GRIA2: variants seen among roughly 807,000 people sequenced by gnomAD.
GRIA2 encodes the protein glutamate receptor 2.
GRIA2 carries 14 observed loss-of-function variants against 97.3 expected under a neutral mutation model. That is an observed-to-expected ratio of 0.14 (90% confidence interval 0.10 to 0.23). The LOEUF (loss-of-function observed/expected upper bound fraction) is 0.23, where lower values mean the gene tolerates loss of function less well. Ranked by LOEUF, GRIA2 falls within the 10% of genes least tolerant of loss-of-function variation. GRIA2 has a pLI of 1.00. For synonymous variants in GRIA2, 412 were observed against 387.8 expected (o/e 1.06, Z -0.73); for missense variants, 558 against 1,069.8 (o/e 0.52, Z 6.67).
At chr4:157,303,113 G>A (rs1733687366) in intron 2 of GRIA2, among the ~76,000 whole-genome samples, 1 of 152,110 alleles carries the variant, frequency 6.6e-6, no homozygotes, top group Admixed American at 6.6e-5. Flanking sequence ...GTCTATGGAA[G>A]CACATTAACT....
chr4:157,264,734 C>G (rs1236203256), intron 2 of GRIA2, among the ~76,000 whole-genome samples: 1 of 152,046 alleles, frequency 6.6e-6, no homozygotes, highest in Non-Finnish European at 1.5e-5. Flanking sequence ...AAGCAGGTTG[C>G]TAGTCCCATC....
At chr4:157,225,674 A>G (rs2126678705) in intron 2 of GRIA2, among the ~76,000 whole-genome samples, 1 of 151,366 alleles carries the variant, frequency 6.6e-6, no homozygotes, top group East Asian at 1.9e-4. Flanking sequence ...ATAGTTTTCA[A>G]AACCTTGTAG....
chr4:157,240,537 G>A (rs1423204129), intron 2 of GRIA2, among the ~76,000 whole-genome samples: 3 of 151,752 alleles, frequency 2.0e-5, no homozygotes, highest in African/African-American at 7.3e-5. Flanking sequence ...GGAGTTTTCT[G>A]TCTTCCTGCA....
At chr4:157,360,227 T>G (rs769218597) in intron 13 of GRIA2, 84 bp downstream of exon 13, 1 of 1,399,024 alleles carries the variant, frequency 7.1e-7, no homozygotes. Flanking sequence ...CTCTTACGGT[T>G]TGTATACGGA....
rs575126532 is a variant in GRIA2, at chr4:157,231,961, A to G, written c.229+10154A>G. Among the ~76,000 whole-genome samples, 3 of 152,340 alleles carry G rather than the reference A, an allele frequency of 2.0e-5. No homozygotes were observed. In the South Asian group the frequency reaches 6.2e-4, roughly 32 times the overall value. On this transcript the variant is annotated intron_variant, in intron 2 of 15. Coordinates refer to ENST00000264426, the MANE Select transcript of GRIA2 (RefSeq NM_001083619.3). ...AATATTTAATAATAATTCTCAAATG[A>G]TATGTAATATTTTGTCATTGAGGCT...
rs1735301456 is a variant in GRIA2, at chr4:157,336,688, T to C, written c.1785T>C (p.Phe595=). 6 of 1,613,088 alleles carry C rather than the reference T, an allele frequency of 3.7e-6. No homozygotes were observed. In the South Asian group the frequency reaches 6.6e-5, roughly 18 times the overall value. ...SSESTNEFGI[F]NSLWFSLGAF... is the part of the protein sequence containing the mutation. ...AATCAACTAATGAATTTGGGATTTT[T>C]AATAGTCTCTGGTTTTCCTTGGGTG... The change falls in exon 11 of 16, where the codon TTT becomes TTC. Residue 595 remains phenylalanine, a synonymous_variant. Transcript: ENST00000264426.
At chr4:157,239,864 T>C (rs1730424666) in intron 2 of GRIA2, among the ~76,000 whole-genome samples, 1 of 152,034 alleles carries the variant, frequency 6.6e-6, no homozygotes, top group Non-Finnish European at 1.5e-5. Flanking sequence ...TTCCAAATGT[T>C]ATTATACATT....
chr4:157,253,704 A>C (rs1335040782), intron 2 of GRIA2, among the ~76,000 whole-genome samples: 1 of 152,138 alleles, frequency 6.6e-6, no homozygotes, highest in African/African-American at 2.4e-5. Flanking sequence ...TAGAAATCAA[A>C]ATGATTAATC....
Position 157,361,163 on chromosome 4 carries a change from A to C in GRIA2, c.2406+39A>C. Reference sequence around the variant, plus strand: ...AGAAAAGTAATGGGTAACTCAATGCAAAACAAAGTAAGCAGCAGCTATGCA... The same window carrying C: ...AGAAAAGTAATGGGTAACTCAATGCCAAACAAAGTAAGCAGCAGCTATGCA... On this transcript the variant is annotated intron_variant, in intron 14 of 15. Transcript: ENST00000264426. The surrounding 1 kb of genome is among the most constrained non-coding windows in gnomAD (Gnocchi z 5.2). The C allele has an allele frequency of 6.9e-7, 1 of 1,452,162 alleles. No homozygotes were observed. Among genetic ancestry groups the C allele is most frequent in the African/African-American group, 1.4e-5 (1 of 71,950 alleles). The allele number at this position is 1,452,162 out of a possible 1,614,324, so 90.0% of individuals were successfully genotyped here. A position where few individuals can be genotyped will look rare whatever the true frequency, so the allele number is the denominator to read the frequency against.
intron 2 of GRIA2, among the ~76,000 whole-genome samples, chr4:157,301,550 G>T (rs942237231): frequency 2.6e-5 from 4 of 152,128 alleles, no homozygotes; most frequent in Non-Finnish European, 5.9e-5. Flanking sequence ...AGGCAATCTT[G>T]CTTTCCTTTG....
Position 157,336,639 on chromosome 4 carries a change from A to G in GRIA2, c.1736A>G (p.Asp579Gly). The G allele has an allele frequency of 6.2e-7, 1 of 1,613,442 alleles. No homozygotes were observed. Among genetic ancestry groups the G allele is most frequent in the Non-Finnish European group, 8.5e-7 (1 of 1,179,588 alleles). ...GAGTGGCACACTGAGGAGTTTGAAG[A>G]TGGAAGAGAAACACAAAGTAGTGAA... ...PYEWHTEEFE[D>G]GRETQSSEST... Residue 579 changes from aspartate (D) to glycine (G), a missense_variant, in exon 11 of 16, where the codon GAT becomes GGT. This residue lies in a region of GRIA2 where 125 missense variants were observed against 310.2 expected (regional missense o/e 0.40). Coordinates refer to ENST00000264426, the MANE Select transcript of GRIA2 (RefSeq NM_001083619.3).
intron 2 of GRIA2, among the ~76,000 whole-genome samples, chr4:157,260,470 A>G (rs900668197): frequency 2.6e-5 from 4 of 152,102 alleles, no homozygotes; most frequent in African/African-American, 9.7e-5. Flanking sequence ...AGCATGATCA[A>G]TGGTGACTTA....
chr4:157,246,128 G>T (rs1022686152), intron 2 of GRIA2, among the ~76,000 whole-genome samples: 3 of 151,974 alleles, frequency 2.0e-5, no homozygotes, highest in Non-Finnish European at 4.4e-5. Flanking sequence ...CCAGTATTAC[G>T]TTTAGTTTTA....
At chr4:157,336,300 T>G in intron 10 of GRIA2, 77 bp from the exon 11 acceptor site, 1 of 1,159,778 alleles carries the variant, frequency 8.6e-7, no homozygotes, top group South Asian at 1.6e-5. Context: ...TCCTTTTTCT[T>G]TGATCCAGTG....
chr4:157,231,453 A>C (rs1427860919), intron 2 of GRIA2, among the ~76,000 whole-genome samples: 1 of 152,190 alleles, frequency 6.6e-6, no homozygotes, highest in East Asian at 1.9e-4. Context: ...CTGAGATTAC[A>C]GGCATGAGCA....
intron 12 of GRIA2, among the ~76,000 whole-genome samples, chr4:157,353,658 G>C (rs1433198909): frequency 1.3e-5 from 2 of 152,008 alleles, no homozygotes; most frequent in African/African-American, 4.8e-5. Context: ...ACTCCAGCCT[G>C]GGCTACAGAG....
At chr4:157,360,902 T>G (rs1736604097) in intron 13 of GRIA2, 108 bp from the exon 14 acceptor site, 1 of 779,190 alleles carries the variant, frequency 1.3e-6, no homozygotes, top group South Asian at 1.6e-5. Flanking sequence ...TTCATTTTTT[T>G]GTGACAAGAG....
At chr4:157,362,534 AG>A in intron 14 of GRIA2, 1 of 567,330 alleles carries the variant, frequency 1.8e-6, no homozygotes, top group South Asian at 1.6e-5. Flanking sequence ...TGACATAGCC[AG>A]GGAAATGTTT....
chr4:157,321,515 T>G lies in GRIA2; in HGVS notation c.798T>G (p.Asp266Glu). ...CTGGATTTCAGATAGTGGACTATGATGATTCGTTGGTATCTAAATTTATAG... is the reference window on the plus strand; with the variant it reads ...CTGGATTTCAGATAGTGGACTATGAGGATTCGTTGGTATCTAAATTTATAG... ...NVSGFQIVDY[D>E]DSLVSKFIER... The change falls in exon 6 of 16, where the codon GAT (aspartate) becomes GAG (glutamate). Residue 266 changes from aspartate to glutamate, a missense_variant. Asp to Glu is a conservative substitution (Grantham distance 45, BLOSUM62 2). This residue lies in a region of GRIA2 where 173 missense variants were observed against 209.1 expected (regional missense o/e 0.83). Transcript: ENST00000264426. 2 of 1,606,850 alleles carry G rather than the reference T, an allele frequency of 1.2e-6. No homozygotes were observed. Among genetic ancestry groups the G allele is most frequent in the Non-Finnish European group, 1.7e-6 (2 of 1,173,442 alleles).
Sources: allele counts gnomAD v4.1 joint callset (sites outside exome capture counted in the v4.1 genomes callset), GRCh38; gene constraint gnomAD v4.1.1; regional missense constraint gnomAD v4.1.1; non-coding constraint Gnocchi (gnomAD v3.1); transcripts MANE v1.5; gene names NCBI Gene and HGNC (gene_info 2026-07-23, HGNC 2026-07-21).